Variants in ZNF423 observed in about 807,000 individuals in gnomAD.
ZNF423 encodes the protein zinc finger protein 423.
In ZNF423, 12 loss-of-function variants were observed where a neutral mutation model predicts 95.8. That is an observed-to-expected ratio of 0.13 (90% CI 0.08 to 0.20). The LOEUF is 0.20. Ranked by LOEUF, ZNF423 falls within the 10% of genes least tolerant of loss-of-function variation. ZNF423 has a pLI of 1.00. For synonymous variants in ZNF423, 749 were observed against 711.9 expected, an observed-to-expected ratio of 1.05 and a Z score of -0.83; for missense variants, 1,316 against 1,737.1, an observed-to-expected ratio of 0.76 and a Z score of 4.31.
Position 49,638,946 on chromosome 16 carries a change from T to A in ZNF423, c.302-72A>T. ...CCGAGAAACAAGGACAGAGCCAGCT[T>A]CTCGACAGCACGCGGGCTGAGGCTG... On this transcript the variant is annotated intron_variant, in intron 3 of 7. Transcript: ENST00000563137. The surrounding 1 kb of genome is among the most constrained non-coding windows in gnomAD (Gnocchi z 5.6). 1 of 1,511,878 alleles carries A rather than the reference T, an allele frequency of 6.6e-7. No homozygotes were observed. Among genetic ancestry groups the A allele is most frequent in the Non-Finnish European group, 8.9e-7 (1 of 1,129,428 alleles). The allele number at this position is 1,511,878 out of a possible 1,614,324, so 93.7% of individuals were successfully genotyped here. A position where few individuals can be genotyped will look rare whatever the true frequency, so the allele number is the denominator to read the frequency against.
chr16:49,498,693 C>T (rs1967262231), intron 7 of ZNF423, among the ~76,000 whole-genome samples: 1 of 152,210 alleles, frequency 6.6e-6, no homozygotes, highest in Non-Finnish European at 1.5e-5. Flanking sequence ...TCCTCCCACA[C>T]TTTACTTCTT....
intron 7 of ZNF423, among the ~76,000 whole-genome samples, chr16:49,503,039 A>G (rs1967486794): frequency 6.6e-6 from 1 of 151,076 alleles, no homozygotes; most frequent in Non-Finnish European, 1.5e-5. Context: ...ATGCAGGTAC[A>G]CACTCATGGA....
At chr16:49,609,138 G>C (rs1295674238) in intron 5 of ZNF423, among the ~76,000 whole-genome samples, 1 of 152,168 alleles carries the variant, frequency 6.6e-6, no homozygotes, top group Non-Finnish European at 1.5e-5. Context: ...ACTGCTCAGA[G>C]AGGTATGAGT....
In ZNF423 at chr16:49,731,225, T is replaced by C. The variant is rs548121955; in HGVS notation, c.101-254A>G. On this transcript the variant is annotated intron_variant, in intron 2 of 7. Coordinates refer to ENST00000563137, the MANE Select transcript of ZNF423 (RefSeq NM_001379286.1). The stretch of plus-strand genomic sequence containing the variant: ...CTGTCATCTCCCCTCTGTGCACGGA[T>C]GCTGGGGGCCGTGACCCATCGGAGA... The C allele has an allele frequency of 2.1e-5, 15 of 721,068 alleles. No individual in the cohort carries two copies. The South Asian group carries it at 8.8e-4, about 42-fold the overall frequency. 44.7% of individuals were successfully genotyped at this position (721,068 alleles called of 1,614,324 possible). A position where few individuals can be genotyped will look rare whatever the true frequency, so the allele number is the denominator to read the frequency against.
At chr16:49,733,627 T>C (rs1310170105) in intron 2 of ZNF423, among the ~76,000 whole-genome samples, 1 of 152,182 alleles carries the variant, frequency 6.6e-6, no homozygotes, top group Non-Finnish European at 1.5e-5. Context: ...GGAGGGTGGC[T>C]GTGCAGAAAG....
chr16:49,701,467 G>A (rs2032180705), intron 3 of ZNF423, among the ~76,000 whole-genome samples: 1 of 151,952 alleles, frequency 6.6e-6, no homozygotes, highest in African/African-American at 2.4e-5. Flanking sequence ...GGGGAGGTGA[G>A]AGGAGGAGAG....
At chr16:49,858,502 C>CT (rs2035396144), upstream of ZNF423, among the ~76,000 whole-genome samples, 2 of 151,898 alleles carry the variant, frequency 1.3e-5, no homozygotes, top group Admixed American at 1.3e-4. This position sits in a 1 kb window ranked among gnomAD's most constrained non-coding sequence, Gnocchi z 4.3. Context: ...GGGTGACGGG[C>CT]TAAACGCGAC....
chr16:49,570,367 A>G (rs1970317516), intron 5 of ZNF423, among the ~76,000 whole-genome samples: 1 of 152,228 alleles, frequency 6.6e-6, no homozygotes, highest in African/African-American at 2.4e-5. Flanking sequence ...GCTGAGGCTC[A>G]GAGAGGTTAA....
intron 1 of ZNF423, among the ~76,000 whole-genome samples, chr16:49,843,844 C>T (rs2035216380): frequency 6.6e-6 from 1 of 151,978 alleles, no homozygotes. Context: ...CACCCCCCCT[C>T]CAAAGATGAA....
intron 1 of ZNF423, among the ~76,000 whole-genome samples, chr16:49,790,699 A>G (rs2034398808): frequency 1.3e-5 from 2 of 152,258 alleles, no homozygotes; most frequent in African/African-American, 4.8e-5. Context: ...CGCAAGGCAC[A>G]GCCCACCTTC....
At chr16:49,675,587 C>T (rs907672518) in intron 3 of ZNF423, among the ~76,000 whole-genome samples, 9 of 152,214 alleles carry the variant, frequency 5.9e-5, no homozygotes, top group African/African-American at 1.7e-4. Flanking sequence ...GCCTGTGCGC[C>T]GGCTGCTGCT....
At chr16:49,685,198 G>C (rs919794920) in intron 3 of ZNF423, among the ~76,000 whole-genome samples, 1 of 152,188 alleles carries the variant, frequency 6.6e-6, no homozygotes, top group African/African-American at 2.4e-5. Context: ...GGAGGAGGAG[G>C]CAGCCCAGGG....
intron 3 of ZNF423, among the ~76,000 whole-genome samples, chr16:49,677,632 T>A (rs1222645696): frequency 6.6e-6 from 1 of 151,022 alleles, no homozygotes; most frequent in East Asian, 2.0e-4. Context: ...AAAATTTTTT[T>A]AAAAGTAGCT....
At chr16:49,686,844 T>C (rs1244719485) in intron 3 of ZNF423, among the ~76,000 whole-genome samples, 1 of 152,064 alleles carries the variant, frequency 6.6e-6, no homozygotes, top group East Asian at 1.9e-4. Flanking sequence ...GTACCCATGC[T>C]TCCTCACCTC....
intron 3 of ZNF423, among the ~76,000 whole-genome samples, chr16:49,694,981 GC>G (rs2031914660): frequency 6.6e-6 from 1 of 152,234 alleles, no homozygotes; most frequent in Admixed American, 6.5e-5. Flanking sequence ...CTCAGAGGCA[GC>G]CTCTGGCTCC....
chr16:49,718,905 C>T (rs961481406), intron 3 of ZNF423, among the ~76,000 whole-genome samples: 1 of 152,202 alleles, frequency 6.6e-6, no homozygotes, highest in Non-Finnish European at 1.5e-5. Context: ...GAAAAGCAAA[C>T]ATTCAGACCA....
rs2032660759 is a variant in ZNF423 at position 49,714,986 on chromosome 16, A to G, written c.301+15785T>C. 2.0e-5 allele frequency among the ~76,000 whole-genome samples: 3 copies of G among 152,234 alleles called. No individual in the cohort carries two copies. In the South Asian group the frequency reaches 6.2e-4, roughly 32 times the overall value. ...CTTTCCAGTCCCGAGGAGACGGCCC[A>G]GCTGCAAGCCCCCAAGAATTCCTGG... On this transcript the variant is annotated intron_variant, in intron 3 of 7. Coordinates refer to ENST00000563137, the MANE Select transcript of ZNF423 (RefSeq NM_001379286.1).
chr16:49,825,727 G>A (rs1207979063), intron 1 of ZNF423, among the ~76,000 whole-genome samples: 1 of 152,156 alleles, frequency 6.6e-6, no homozygotes, highest in Non-Finnish European at 1.5e-5. Flanking sequence ...GAGACCAGGG[G>A]ACTCTCTTGC....
In ZNF423 at chr16:49,638,298, C is replaced by T. The variant is rs764472490; in HGVS notation, c.878G>A (p.Arg293His). 34 of 1,613,602 alleles carry T rather than the reference C, an allele frequency of 2.1e-5. No individual in the cohort carries two copies. Among genetic ancestry groups the T allele is most frequent in the East Asian group, 8.9e-5 (4 of 44,884 alleles). ...CGCCTTCTCGGACAGCTGCGGGTGG[C>T]GGGTGAGCACGTGCTTCTCCAGCTC... is the stretch of plus-strand genomic sequence containing the variant. ...TEELEKHVLT[R>H]HPQLSEKADL... Residue 293 changes from arginine to histidine, a missense_variant, in exon 4 of 8, where the codon CGC (arginine) becomes CAC (histidine). Arg to His is a conservative substitution (Grantham distance 29). This residue lies in a region of ZNF423 where 399 missense variants were observed against 478.5 expected (regional missense o/e 0.83). Coordinates refer to ENST00000563137, the MANE Select transcript of ZNF423 (RefSeq NM_001379286.1). The surrounding 1 kb of genome is among the most constrained non-coding windows in gnomAD (Gnocchi z 5.6).
Sources: allele counts gnomAD v4.1 joint callset (sites outside exome capture counted in the v4.1 genomes callset), GRCh38; gene constraint gnomAD v4.1.1; regional missense constraint gnomAD v4.1.1; non-coding constraint Gnocchi (gnomAD v3.1); transcripts MANE v1.5; gene names NCBI Gene and HGNC (gene_info 2026-07-23, HGNC 2026-07-21).